Variants in TTC23L observed in about 807,000 individuals in gnomAD.
TTC23L encodes the protein tetratricopeptide repeat protein 23-like.
A neutral mutation model predicts 48.1 loss-of-function variants in TTC23L; 42 were observed. The ratio of observed to expected loss-of-function variants is 0.87; its 90% CI spans 0.68 to 1.13. The LOEUF is 1.13. Ranked by LOEUF, TTC23L falls within the 50% of genes most tolerant of loss-of-function variation. TTC23L has a pLI of 0.00. For missense variants in TTC23L, 391 were observed against 421.0 expected (o/e 0.93, Z 0.62); for synonymous variants, 159 against 157.2 (o/e 1.01, Z -0.09).
intron 8 of TTC23L, among the ~76,000 whole-genome samples, chr5:34,875,829 C>G (rs556882127): frequency 1.1e-4 from 17 of 152,258 alleles, no homozygotes; most frequent in Non-Finnish European, 2.1e-4. Flanking sequence ...CAAACAATAG[C>G]AGAATGCACA....
chr5:34,919,948 T>A, the TTC23L span: 1 of 631,656 alleles, frequency 1.6e-6, no homozygotes, highest in African/African-American at 1.9e-5. Flanking sequence ...ATTTCAAAAC[T>A]AAGTCATTCA....
the TTC23L span, chr5:34,918,160 ACT>A: frequency 6.8e-5 from 24 of 351,440 alleles, no homozygotes; most frequent in Middle Eastern, 7.9e-4. Context: ...AAAAAAAAAA[ACT>A]AGCTGGACAT....
chr5:34,904,666 C>T, the TTC23L span, among the ~76,000 whole-genome samples: 2 of 151,730 alleles, frequency 1.3e-5, no homozygotes, highest in Admixed American at 1.3e-4. Flanking sequence ...TTGGTAAGTT[C>T]ACCCACCACT....
At chr5:34,910,915 CT>C in the TTC23L span, among the ~76,000 whole-genome samples, 1 of 152,186 alleles carries the variant, frequency 6.6e-6, no homozygotes, top group African/African-American at 2.4e-5. Context: ...TCAAGAACAG[CT>C]TTTTTGACAT....
downstream of TTC23L, among the ~76,000 whole-genome samples, chr5:34,904,019 G>A (rs543359630): frequency 1.3e-5 from 2 of 152,024 alleles, no homozygotes; most frequent in South Asian, 4.2e-4. Flanking sequence ...AGACTGGAGT[G>A]CAGTGGCATG....
chr5:34,867,832 A>G (rs1184282294), intron 7 of TTC23L: 1 of 152,298 alleles, frequency 6.6e-6, no homozygotes, highest in Admixed American at 6.5e-5. Context: ...CCACAATTAT[A>G]AACATCACAC....
chr5:34,881,986 C>T (rs1762253932), intron 9 of TTC23L, among the ~76,000 whole-genome samples: 1 of 152,062 alleles, frequency 6.6e-6, no homozygotes, highest in African/African-American at 2.4e-5. Flanking sequence ...GAACTCCCAC[C>T]TCAAGTGACC....
intron 6 of TTC23L, among the ~76,000 whole-genome samples, chr5:34,865,781 C>T (rs1479680175): frequency 1.3e-5 from 2 of 152,196 alleles, no homozygotes; most frequent in African/African-American, 4.8e-5. Context: ...CTCACTGAAA[C>T]CTTGAACTCC....
chr5:34,863,130 G>A lies in TTC23L; in HGVS notation c.536+76G>A. ...ATGCCAGATGGGTCATCTCATACAG[G>A]AGGGTGGGAGATGGAACCAAGGCCT... On this transcript the variant is annotated intron_variant, in intron 5 of 10. Transcript: ENST00000505624. This position sits in a 1 kb window ranked among gnomAD's most constrained non-coding sequence, Gnocchi z 4.1. The A allele has an allele frequency of 6.4e-7, 1 of 1,570,146 alleles. No homozygotes were observed. The highest frequency in any genetic ancestry group is 1.2e-5 in the South Asian group (1 of 85,862).
intron 9 of TTC23L, among the ~76,000 whole-genome samples, chr5:34,893,420 T>G: frequency 6.6e-6 from 1 of 152,288 alleles, no homozygotes; most frequent in Non-Finnish European, 1.5e-5. Context: ...GAAATGATTC[T>G]GAAGCTAATG....
At chr5:34,912,324 G>C in the TTC23L span, among the ~76,000 whole-genome samples, 1 of 152,182 alleles carries the variant, frequency 6.6e-6, no homozygotes, top group Non-Finnish European at 1.5e-5. Context: ...GAGAGAAAAA[G>C]AGGGTTGTTA....
At chr5:34,878,754 T>G (rs113255976) in intron 8 of TTC23L, among the ~76,000 whole-genome samples, 8 of 152,252 alleles carry the variant, frequency 5.3e-5, no homozygotes, top group African/African-American at 1.7e-4. Context: ...TGAATGTAAA[T>G]CAGTACAACC....
At chr5:34,885,922 G>A (rs1383028840) in intron 9 of TTC23L, among the ~76,000 whole-genome samples, 2 of 152,016 alleles carry the variant, frequency 1.3e-5, no homozygotes, top group African/African-American at 2.4e-5. Context: ...GAATCTAGGC[G>A]AAAATTGTAT....
chr5:34,846,600 T>TATATATATATATATATATATATACACAC (rs61009546), intron 3 of TTC23L, among the ~76,000 whole-genome samples: 1 of 92,912 alleles, frequency 1.1e-5, no homozygotes, highest in African/African-American at 5.2e-5. Flanking sequence ...TATATATATA[T>TATATATATATATATATATATATACACAC]ACACACACAT....
chr5:34,868,846 A>G (rs1322361439), intron 7 of TTC23L, 59 bp from the exon 8 acceptor site: 5 of 1,458,122 alleles, frequency 3.4e-6, no homozygotes, highest in Non-Finnish European at 4.7e-6. Flanking sequence ...CCTCTCATCT[A>G]AATCCACAGT....
intron 4 of TTC23L, among the ~76,000 whole-genome samples, chr5:34,854,229 G>A (rs745745851): frequency 5.9e-5 from 9 of 152,146 alleles, no homozygotes; most frequent in Admixed American, 2.6e-4. Flanking sequence ...TTTCCTGTAC[G>A]AGAGACTTTT....
intron 4 of TTC23L, among the ~76,000 whole-genome samples, chr5:34,858,308 T>C (rs921259115): frequency 8.5e-5 from 13 of 152,230 alleles, no homozygotes; most frequent in Admixed American, 6.5e-5. Flanking sequence ...AGAGAGTTTT[T>C]ACATGAAAGA....
chr5:34,911,850 T>C, the TTC23L span: 1 of 1,589,376 alleles, frequency 6.3e-7, no homozygotes, highest in South Asian at 1.1e-5. Flanking sequence ...CTTAGCTTTA[T>C]AGTTCTGGGT....
intron 10 of TTC23L, among the ~76,000 whole-genome samples, chr5:34,899,187 T>C (rs1280507484): frequency 6.6e-6 from 1 of 152,040 alleles, no homozygotes; most frequent in African/African-American, 2.4e-5. Flanking sequence ...CTAGTAAGAT[T>C]TTAGAGGCCT....
Sources: allele counts gnomAD v4.1 joint callset (sites outside exome capture counted in the v4.1 genomes callset), GRCh38; gene constraint gnomAD v4.1.1; non-coding constraint Gnocchi (gnomAD v3.1); transcripts MANE v1.5; gene names NCBI Gene and HGNC (gene_info 2026-07-23, HGNC 2026-07-21).